The following GALNT13 variants were observed in gnomAD, a reference collection of about 807,000 sequenced individuals.
GALNT13 encodes polypeptide N-acetylgalactosaminyltransferase 13, also known as UDP-GalNAc:polypeptide N-acetylgalactosaminyltransferase 13.
In GALNT13, 28 loss-of-function variants were observed where a neutral mutation model predicts 64.2. That is an observed-to-expected ratio of 0.44 (90% CI 0.32 to 0.60). The LOEUF (loss-of-function observed/expected upper bound fraction) is 0.60. Among genes scored for constraint, GALNT13 ranks in the 20% least tolerant of loss-of-function variants. GALNT13 has a pLI of 0.05. For missense variants in GALNT13, 577 were observed against 669.8 expected (o/e 0.86, Z 1.53); for synonymous variants, 214 against 224.6 (o/e 0.95, Z 0.42).
intron 3 of GALNT13, among the ~76,000 whole-genome samples, chr2:154,134,154 C>G (rs1325017923): frequency 1.3e-5 from 2 of 151,968 alleles, no homozygotes; most frequent in African/African-American, 4.8e-5. Flanking sequence ...GCTATGTGTC[C>G]AAGAGGAACA....
rs539397406 is a variant in GALNT13 at position 154,308,334 on chromosome 2, A to C, written c.1156+6745A>C. ...CTCACCAAAGGCAGCCTTTGTTAGC[A>C]GCATTTTTGCATTGTTATTAAAGTT... is the stretch of plus-strand genomic sequence containing the variant. On this transcript the variant is annotated intron_variant, in intron 9 of 12. Transcript: ENST00000392825. 1.3e-5 allele frequency among the ~76,000 whole-genome samples: 2 copies of C among 152,234 alleles called. 1 individual carries two copies. The highest frequency in any genetic ancestry group is 4.1e-4 in the South Asian group (2 of 4,820).
chr2:153,426,385 T>C, the GALNT13 span, among the ~76,000 whole-genome samples: 4 of 151,942 alleles, frequency 2.6e-5, no homozygotes, highest in Non-Finnish European at 5.9e-5. Context: ...TACTACCAAG[T>C]GCAGATTCAC....
At chr2:153,439,799 C>A in the GALNT13 span, among the ~76,000 whole-genome samples, 1 of 152,248 alleles carries the variant, frequency 6.6e-6, no homozygotes, top group East Asian at 1.9e-4. Context: ...TGCTTCGGCT[C>A]ACACATGGTG....
the GALNT13 span, among the ~76,000 whole-genome samples, chr2:153,386,475 A>G: frequency 6.6e-6 from 1 of 152,048 alleles, no homozygotes; most frequent in Admixed American, 6.6e-5. Context: ...CAAGTTGGCA[A>G]AGTGCTAACT....
the GALNT13 span, among the ~76,000 whole-genome samples, chr2:153,274,391 A>G: frequency 1.3e-5 from 2 of 152,068 alleles, no homozygotes; most frequent in Admixed American, 6.5e-5. Flanking sequence ...GCACCACAAC[A>G]TTTTCTAGTA....
At chr2:153,824,749 G>T in the GALNT13 span, among the ~76,000 whole-genome samples, 9 of 152,150 alleles carry the variant, frequency 5.9e-5, no homozygotes, top group South Asian at 1.0e-3. Flanking sequence ...GATCATGGGG[G>T]CAGATTTCCC....
intron 9 of GALNT13, among the ~76,000 whole-genome samples, chr2:154,375,009 G>A (rs929443403): frequency 5.9e-5 from 9 of 152,208 alleles, no homozygotes; most frequent in African/African-American, 2.2e-4. Context: ...TTGTTGTTGA[G>A]ACAGAGTCTC....
the GALNT13 span, among the ~76,000 whole-genome samples, chr2:153,566,806 G>A: frequency 1.4e-5 from 2 of 145,772 alleles, no homozygotes; most frequent in South Asian, 2.3e-4. Flanking sequence ...CTCTACTTTC[G>A]CCAGTAGATC....
At chr2:154,097,993 A>C (rs73965381) in intron 3 of GALNT13, among the ~76,000 whole-genome samples, 7,636 of 152,014 alleles carry the variant, frequency 0.05, 374 homozygotes, top group African/African-American at 0.13. Flanking sequence ...AGTCAGTGGC[A>C]GACTGGAGAC....
At chr2:154,110,160 G>A (rs923737386) in intron 3 of GALNT13, among the ~76,000 whole-genome samples, 1 of 150,604 alleles carries the variant, frequency 6.6e-6, no homozygotes, top group Admixed American at 6.6e-5. Flanking sequence ...TTTGCATTTT[G>A]TATGTCTTCA....
rs1558828481 is a variant in GALNT13 at position 153,875,123 on chromosome 2, T to TGC, written c.-177+2820_-177+2821insGC. Among the ~76,000 whole-genome samples the TGC allele has an allele frequency of 2.6e-4, 40 of 151,978 alleles. No individual in the cohort carries two copies. In the East Asian group the frequency reaches 6.6e-3, roughly 25 times the overall value. ...TCCCCTACTGCTTCATATATATATA[T>TGC]ATATATGAGATGTGCGATACTGCAT... is the stretch of plus-strand genomic sequence containing the variant. On this transcript the variant is annotated intron_variant, in intron 1 of 12. Coordinates refer to ENST00000392825, the MANE Select transcript of GALNT13 (RefSeq NM_052917.4).
intron 8 of GALNT13, chr2:154,287,087 G>A: frequency 1.1e-6 from 1 of 901,730 alleles, no homozygotes; most frequent in South Asian, 1.3e-5. Context: ...CCCACCTTTG[G>A]GCAAGCAGCC....
At chr2:154,110,041 A>G (rs1316354159) in intron 3 of GALNT13, among the ~76,000 whole-genome samples, 2 of 151,808 alleles carry the variant, frequency 1.3e-5, no homozygotes, top group Non-Finnish European at 2.9e-5. Flanking sequence ...GAGTTTGAGA[A>G]AGATAGATAT....
the GALNT13 span, among the ~76,000 whole-genome samples, chr2:153,622,924 A>T: frequency 3.9e-5 from 6 of 152,134 alleles, no homozygotes; most frequent in Admixed American, 3.9e-4. Flanking sequence ...TTCTAGGTGA[A>T]TTAACACATG....
At chr2:154,209,865 A>G (rs1687670583) in intron 4 of GALNT13, among the ~76,000 whole-genome samples, 1 of 152,228 alleles carries the variant, frequency 6.6e-6, no homozygotes, top group Non-Finnish European at 1.5e-5. Flanking sequence ...TGTGATAAGA[A>G]CATTTCAAAT....
the GALNT13 span, among the ~76,000 whole-genome samples, chr2:153,095,985 T>C: frequency 6.6e-6 from 1 of 152,042 alleles, no homozygotes; most frequent in Non-Finnish European, 1.5e-5. Flanking sequence ...TGTATAGATA[T>C]GTAACCTGCA....
At chr2:154,053,287 C>T (rs937583634) in intron 3 of GALNT13, among the ~76,000 whole-genome samples, 14 of 152,086 alleles carry the variant, frequency 9.2e-5, no homozygotes, top group African/African-American at 1.7e-4. Context: ...GCATTAACAT[C>T]GTATGCAAAA....
At chr2:153,883,746 A>G (rs1686945176) in intron 1 of GALNT13, among the ~76,000 whole-genome samples, 1 of 152,062 alleles carries the variant, frequency 6.6e-6, no homozygotes, top group Non-Finnish European at 1.5e-5. Context: ...AAGACAAAAA[A>G]TGTACAAAGA....
the GALNT13 span, among the ~76,000 whole-genome samples, chr2:153,600,233 A>G: frequency 2.6e-5 from 4 of 151,960 alleles, no homozygotes; most frequent in East Asian, 7.7e-4. Context: ...TCTTGGATTA[A>G]CTGTTGAGTA....
Sources: allele counts gnomAD v4.1 joint callset (sites outside exome capture counted in the v4.1 genomes callset), GRCh38; gene constraint gnomAD v4.1.1; transcripts MANE v1.5; gene names NCBI Gene and HGNC (gene_info 2026-07-23, HGNC 2026-07-21).